CCDC93: variants seen among roughly 807,000 people sequenced by gnomAD.
The protein encoded by CCDC93 is CCC complex scaffolding subunit CCDC93.
In CCDC93, 61 loss-of-function variants were observed where a neutral mutation model predicts 108.2. The observed-to-expected ratio is 0.56, with a 90% CI of 0.46 to 0.70. The LOEUF is 0.70. CCDC93 is among the 30% of genes least tolerant of loss of function. The probability of loss-of-function intolerance (pLI) is 0.00; values close to 1 mark genes in which losing one functional copy is unlikely to be tolerated. For synonymous variants in CCDC93, 276 were observed against 260.4 expected, an observed-to-expected ratio of 1.06 and a Z score of -0.58; for missense variants, 685 against 764.2, an observed-to-expected ratio of 0.90 and a Z score of 1.22.
chr2:117,923,628 T>C (rs1307734653), intron 23 of CCDC93, among the ~76,000 whole-genome samples: 1 of 152,244 alleles, frequency 6.6e-6, no homozygotes, highest in East Asian at 1.9e-4. Context: ...AAGCTCAAAC[T>C]GGGTGGAGCT....
intron 11 of CCDC93, among the ~76,000 whole-genome samples, chr2:117,963,209 C>G (rs1679450154): frequency 6.6e-6 from 1 of 152,196 alleles, no homozygotes; most frequent in African/African-American, 2.4e-5. Flanking sequence ...TGAAAACAGA[C>G]AGCAGAACTG....
intron 2 of CCDC93, among the ~76,000 whole-genome samples, chr2:118,007,392 C>T (rs1676903831): frequency 6.6e-6 from 1 of 152,346 alleles, no homozygotes; most frequent in African/African-American, 2.4e-5. Flanking sequence ...AACAATAAGG[C>T]TGGGCGCGGT....
At chr2:117,952,014 T>C (rs565289194) in intron 13 of CCDC93, among the ~76,000 whole-genome samples, 8 of 152,208 alleles carry the variant, frequency 5.3e-5, no homozygotes, top group African/African-American at 1.2e-4. Context: ...AGAGTTACTA[T>C]ACAAGCTGCT....
chr2:117,930,007 C>A (rs1460781322), intron 23 of CCDC93, among the ~76,000 whole-genome samples: 1 of 152,168 alleles, frequency 6.6e-6, no homozygotes, highest in Non-Finnish European at 1.5e-5. Context: ...AGGAGGTCTG[C>A]GTTACAACCT....
chr2:117,932,402 G>A (rs540463795), intron 22 of CCDC93, among the ~76,000 whole-genome samples: 10 of 152,262 alleles, frequency 6.6e-5, no homozygotes, highest in African/African-American at 2.4e-4. Context: ...ATAGGCTTCT[G>A]TTGACTACAC....
rs910176663 is a variant in CCDC93, at chr2:117,922,563, A to G, written c.1843-2167T>C. 2.0e-5 allele frequency among the ~76,000 whole-genome samples: 3 copies of G among 152,208 alleles called. No homozygotes were observed. The East Asian group carries it at 5.8e-4, about 29-fold the overall frequency. On this transcript the variant is annotated intron_variant, in intron 23 of 23. Coordinates refer to ENST00000376300, the MANE Select transcript of CCDC93 (RefSeq NM_019044.5). ...CGCCCACGGTGCATAACTGTTGCCCATTTAACGTGGGGTAAATCAAACCCA... is the reference window on the plus strand; with the variant it reads ...CGCCCACGGTGCATAACTGTTGCCCGTTTAACGTGGGGTAAATCAAACCCA...
At chr2:117,938,816 T>C (rs1678605584) in intron 20 of CCDC93, among the ~76,000 whole-genome samples, 1 of 152,186 alleles carries the variant, frequency 6.6e-6, no homozygotes, top group African/African-American at 2.4e-5. Context: ...CACTCTAGAA[T>C]GGCTGTCTAC....
intron 13 of CCDC93, 144 bp from the exon 14 acceptor site, chr2:117,949,539 T>A (rs77723915): frequency 1.5e-6 from 1 of 677,934 alleles, no homozygotes; most frequent in Admixed American, 3.0e-5. Flanking sequence ...GGTAATTACA[T>A]CATACAACAG....
chr2:117,926,712 C>T (rs1309114794), intron 23 of CCDC93, among the ~76,000 whole-genome samples: 1 of 152,206 alleles, frequency 6.6e-6, no homozygotes, highest in Non-Finnish European at 1.5e-5. Flanking sequence ...TGGTACCATT[C>T]CTTCTGAAAC....
intron 11 of CCDC93, among the ~76,000 whole-genome samples, chr2:117,969,878 G>C (rs527543560): frequency 6.6e-6 from 1 of 151,970 alleles, no homozygotes; most frequent in Non-Finnish European, 1.5e-5. Context: ...TTACAGCATC[G>C]AACCCAAAGC....
At chr2:117,923,663 TG>T (rs1677968496) in intron 23 of CCDC93, among the ~76,000 whole-genome samples, 1 of 116,834 alleles carries the variant, frequency 8.6e-6, no homozygotes, top group Non-Finnish European at 1.8e-5. Flanking sequence ...GAGGCCTGCC[TG>T]CCTGCCTGCC....
chr2:117,971,000 A>C (rs1260039221), intron 11 of CCDC93, among the ~76,000 whole-genome samples: 3 of 152,226 alleles, frequency 2.0e-5, no homozygotes, highest in South Asian at 2.1e-4. Context: ...AACAACTTAA[A>C]ATTGTGTCTA....
intron 18 of CCDC93, among the ~76,000 whole-genome samples, chr2:117,943,608 G>C (rs777099630): frequency 6.6e-6 from 1 of 152,232 alleles, no homozygotes; most frequent in Admixed American, 6.5e-5. Context: ...CCATGAGCCA[G>C]ATCCCAGCAA....
chr2:117,951,203 G>A (rs1156593799), intron 13 of CCDC93: 1 of 985,140 alleles, frequency 1.0e-6, no homozygotes, highest in Admixed American at 6.2e-5. Flanking sequence ...TTCATGCCAG[G>A]GGCTCTGCGG....
At chr2:117,975,060 G>T (rs1004831250) in intron 9 of CCDC93, 128 bp downstream of exon 9, 2 of 1,038,374 alleles carry the variant, frequency 1.9e-6, no homozygotes, top group South Asian at 1.4e-5. Flanking sequence ...ACTGGAAGGT[G>T]TGAAAGACCT....
At chr2:117,958,985 G>A (rs1352468988) in intron 11 of CCDC93, among the ~76,000 whole-genome samples, 1 of 152,192 alleles carries the variant, frequency 6.6e-6, no homozygotes, top group Non-Finnish European at 1.5e-5. Flanking sequence ...TATTTCTGAT[G>A]TTCTGGAGTT....
chr2:117,969,982 C>G (rs1679711233), intron 11 of CCDC93, among the ~76,000 whole-genome samples: 1 of 152,126 alleles, frequency 6.6e-6, no homozygotes, highest in African/African-American at 2.4e-5. Context: ...CTGAAAGGCC[C>G]CATGATTCCC....
intron 1 of CCDC93, 35 bp from the exon 2 acceptor site, chr2:118,008,693 A>G (rs762602141): frequency 4.3e-6 from 6 of 1,379,420 alleles, no homozygotes; most frequent in Non-Finnish European, 6.2e-6. Context: ...CTGGTAAAAG[A>G]TATGCTGAAT....
At chr2:117,938,040 G>A (rs931440088) in intron 20 of CCDC93, among the ~76,000 whole-genome samples, 6 of 152,172 alleles carry the variant, frequency 3.9e-5, no homozygotes, top group African/African-American at 1.4e-4. Context: ...AGACTACAAG[G>A]TGACAAAATG....
Sources: gnomAD v4.1 joint callset for allele counts (sites outside exome capture counted in the v4.1 genomes callset) on GRCh38, gnomAD v4.1.1 for gene constraint, MANE v1.5 for transcripts, NCBI Gene and HGNC (gene_info 2026-07-23, HGNC 2026-07-21) for gene names.